The following SRSF10 variants were observed in gnomAD, a reference collection of about 807,000 sequenced individuals.
SRSF10 encodes serine and arginine rich splicing factor 10.
Under a neutral mutation model 32.6 loss-of-function variants are expected in SRSF10, and 9 were observed. The observed-to-expected ratio is 0.28, with a 90% CI of 0.17 to 0.48. The LOEUF is 0.48. Ranked by LOEUF, SRSF10 falls within the 20% of genes least tolerant of loss-of-function variation. SRSF10 has a pLI of 0.99. For synonymous variants in SRSF10, 105 were observed against 112.4 expected (o/e 0.93, Z 0.42); for missense variants, 201 against 331.8 (o/e 0.61, Z 3.06).
At chr1:23,977,376 G>A (rs1642155466) in intron 2 of SRSF10, 1 of 152,254 alleles carries the variant, frequency 6.6e-6, no homozygotes, top group Admixed American at 6.5e-5. Context: ...CTATACCAGG[G>A]AGAAGGCCTT....
Position 23,969,631 on chromosome 1 carries a change from T to C in SRSF10, c.*1511A>G. On this transcript the variant is annotated 3_prime_UTR_variant, in exon 6 of 6. Coordinates refer to ENST00000492112, the MANE Select transcript of SRSF10 (RefSeq NM_054016.4). ...ATCTGTAAGCAAGCAATCTGAGATT[T>C]TTAAAGATGCTAGCTTTTTATTCTG... 1 of 985,280 alleles carries C rather than the reference T, an allele frequency of 1.0e-6. No homozygotes were observed. The highest frequency in any genetic ancestry group is 1.2e-6 in the Non-Finnish European group (1 of 829,746). 61.0% of individuals were successfully genotyped at this position (985,280 alleles called of 1,614,324 possible). A position where few individuals can be genotyped will look rare whatever the true frequency, so the allele number is the denominator to read the frequency against.
Position 23,969,205 on chromosome 1 carries a change from A to G in SRSF10, c.*1937T>C. 2 of 984,758 alleles carry G rather than the reference A, an allele frequency of 2.0e-6. No individual in the cohort carries two copies. Among genetic ancestry groups the G allele is most frequent in the Non-Finnish European group, 2.4e-6 (2 of 828,916 alleles). 61.0% of individuals were successfully genotyped at this position (984,758 alleles called of 1,614,324 possible). A position where few individuals can be genotyped will look rare whatever the true frequency, so the allele number is the denominator to read the frequency against. ...TTGTACACAATATTTGTTAAAAAGA[A>G]CATATAAAAATACCTTTTTAGAAGC... On this transcript the variant is annotated 3_prime_UTR_variant, in exon 6 of 6. Coordinates refer to ENST00000492112, the MANE Select transcript of SRSF10 (RefSeq NM_054016.4).
In SRSF10 at chr1:23,968,698, T is replaced by C. The variant is rs1424364798; in HGVS notation, c.*2444A>G. On this transcript the variant is annotated 3_prime_UTR_variant, in exon 6 of 6. Transcript: ENST00000492112. ...CTCATCAACATTCAATTTAAAATGA[T>C]TTAAAATCATGTCATAAACGTTAAG... 6.6e-6 allele frequency among the ~76,000 whole-genome samples: 1 copy of C among 152,210 alleles called. No homozygotes were observed. The highest frequency in any genetic ancestry group is 1.5e-5 in the Non-Finnish European group (1 of 68,016).
rs1641735997 is a variant in SRSF10 at position 23,971,200 on chromosome 1, CTAGACT to C, written c.725_730del (p.Gln242_Ser243del). ...CCTTGATCTAGATTTTGACCTAGAC[CTAGACT>C]GTGATCTTGACTGAGATTTGGATCT... is the stretch of plus-strand genomic sequence containing the variant. On this transcript the variant is annotated inframe_deletion, in exon 6 of 6. Transcript: ENST00000492112. 6.2e-7 allele frequency: 1 copy of C among 1,613,990 alleles called. No individual in the cohort carries two copies. Among genetic ancestry groups the C allele is most frequent in the South Asian group, 1.1e-5 (1 of 91,076 alleles).
rs1454597713 is a variant in SRSF10 at position 23,967,757 on chromosome 1, T to G, written c.*3385A>C. 11 of 1,610,656 alleles carry G rather than the reference T, an allele frequency of 6.8e-6. No homozygotes were observed. The highest frequency in any genetic ancestry group is 3.3e-5 in the South Asian group (3 of 90,886). ...AAAGAAGGATGTTTGTCAGTTTGGTTTCCTTTATTCTTCTCTGTGGTATAC... is the reference window on the plus strand; with the variant it reads ...AAAGAAGGATGTTTGTCAGTTTGGTGTCCTTTATTCTTCTCTGTGGTATAC... On this transcript the variant is annotated 3_prime_UTR_variant, in exon 6 of 6. Transcript: ENST00000492112.
At chr1:23,972,914 AT>A (rs1257409474) in intron 3 of SRSF10, among the ~76,000 whole-genome samples, 2 of 151,950 alleles carry the variant, frequency 1.3e-5, no homozygotes, top group Non-Finnish European at 2.9e-5. Flanking sequence ...CTAGTTTCGT[AT>A]TTTTAGTGCA....
rs1187037360 is a variant in SRSF10 at position 23,967,106 on chromosome 1, G to C, written c.*4036C>G. ...GAGAAGAGATGGGCCCTCTTAGCTG[G>C]ATGTCAAATATAATTGGAATTTACC... is the stretch of plus-strand genomic sequence containing the variant. On this transcript the variant is annotated 3_prime_UTR_variant, in exon 6 of 6. Coordinates refer to ENST00000492112, the MANE Select transcript of SRSF10 (RefSeq NM_054016.4). The C allele has an allele frequency of 6.6e-6, 1 of 152,268 alleles. No individual in the cohort carries two copies. Among genetic ancestry groups the C allele is most frequent in the Non-Finnish European group, 1.5e-5 (1 of 68,104 alleles). 9.4% of individuals were successfully genotyped at this position (152,268 alleles called of 1,614,324 possible).
rs1468946729 is a variant in SRSF10, at chr1:23,964,536, T to C, written c.*6606A>G. Among the ~76,000 whole-genome samples the C allele has an allele frequency of 6.6e-6, 1 of 151,990 alleles. No individual in the cohort carries two copies. Among genetic ancestry groups the C allele is most frequent in the Non-Finnish European group, 1.5e-5 (1 of 67,888 alleles). On this transcript the variant is annotated 3_prime_UTR_variant, in exon 6 of 6. Transcript: ENST00000492112. ...AATTTGTCTTCTTTTCGATGGCAGT[T>C]ATACTATGATGGAATCCAGGTCCAA...
rs1003594157 is a variant in SRSF10 at position 23,965,183 on chromosome 1, T to C, written c.*5959A>G. The stretch of plus-strand genomic sequence containing the variant: ...TCCTATCTAAAATGAGAATAGTTCA[T>C]GCCTAGGATAGGCTAACTATAGGCT... On this transcript the variant is annotated 3_prime_UTR_variant, in exon 6 of 6. Coordinates refer to ENST00000492112, the MANE Select transcript of SRSF10 (RefSeq NM_054016.4). 6 of 152,022 alleles carry C rather than the reference T, an allele frequency of 3.9e-5. No individual in the cohort carries two copies. The highest frequency in any genetic ancestry group is 1.4e-4 in the African/African-American group (6 of 41,456). The allele number at this position is 152,022 out of a possible 1,614,324, so 9.4% of individuals were successfully genotyped here. A position where few individuals can be genotyped will look rare whatever the true frequency, so the allele number is the denominator to read the frequency against.
At chr1:23,979,064 T>TG (rs1337068629) in intron 1 of SRSF10, 1 of 224,830 alleles carries the variant, frequency 4.4e-6, no homozygotes, top group Non-Finnish European at 8.6e-6. Flanking sequence ...CTTGTTTTTT[T>TG]TTTTTTTTTT....
intron 3 of SRSF10, among the ~76,000 whole-genome samples, chr1:23,974,306 T>G (rs1641952359): frequency 6.6e-6 from 1 of 152,092 alleles, no homozygotes; most frequent in Non-Finnish European, 1.5e-5. Context: ...CAAGGTAACA[T>G]AATGGCTAAG....
Position 23,970,980 on chromosome 1 carries a change from TC to T in SRSF10, c.*161del. The T allele has an allele frequency of 7.0e-7, 1 of 1,422,354 alleles. No individual in the cohort carries two copies. The highest frequency in any genetic ancestry group is 9.1e-7 in the Non-Finnish European group (1 of 1,093,944). The allele number at this position is 1,422,354 out of a possible 1,614,324, so 88.1% of individuals were successfully genotyped here. A position where few individuals can be genotyped will look rare whatever the true frequency, so the allele number is the denominator to read the frequency against. ...ACAAACTGGACTCTTAAGAGTGGCT[TC>T]TCAACAGCATATCATTTTAATTATA... On this transcript the variant is annotated 3_prime_UTR_variant, in exon 6 of 6. Coordinates refer to ENST00000492112, the MANE Select transcript of SRSF10 (RefSeq NM_054016.4).
chr1:23,970,682 A>AT lies in SRSF10; in HGVS notation c.*459dup, dbSNP rs1641700923. The AT allele has an allele frequency of 1.0e-6, 1 of 987,520 alleles. No homozygotes were observed. The highest frequency in any genetic ancestry group is 1.1e-4 in the East Asian group (1 of 8,862). 61.2% of individuals were successfully genotyped at this position (987,520 alleles called of 1,614,324 possible). On this transcript the variant is annotated 3_prime_UTR_variant, in exon 6 of 6. Transcript: ENST00000492112. The stretch of plus-strand genomic sequence containing the variant: ...CCGGGCCTAGACATCTTGACAAGAC[A>AT]TAAAGGTCCACCCTGAACCTAAATG...
intron 3 of SRSF10, among the ~76,000 whole-genome samples, chr1:23,972,768 T>G (rs1248270534): frequency 4.4e-5 from 6 of 135,714 alleles, no homozygotes; most frequent in Admixed American, 3.8e-4. Context: ...TGAGACGGAG[T>G]TTTGCTCTTG....
At chr1:23,976,370 C>T (rs1217732198) in intron 2 of SRSF10, 1 of 152,092 alleles carries the variant, frequency 6.6e-6, no homozygotes, top group East Asian at 1.9e-4. Flanking sequence ...TCTGTCTTCC[C>T]GAGGCCATTA....
chr1:23,975,109 G>A, intron 2 of SRSF10, 32 bp from the exon 3 acceptor site: 1 of 1,569,146 alleles, frequency 6.4e-7, no homozygotes, highest in Non-Finnish European at 8.8e-7. Context: ...GGGAAGTTTT[G>A]CAAACTTTGA....
chr1:23,972,797 G>C (rs4397609), intron 3 of SRSF10, among the ~76,000 whole-genome samples: 1 of 150,692 alleles, frequency 6.6e-6, no homozygotes, highest in Non-Finnish European at 1.5e-5. Flanking sequence ...GCCGGAGTGC[G>C]ATGGCGCAAT....
Position 23,969,242 on chromosome 1 carries a change from AG to A in SRSF10, c.*1899del. The A allele has an allele frequency of 4.1e-6, 4 of 985,566 alleles. No individual in the cohort carries two copies. Among genetic ancestry groups the A allele is most frequent in the Non-Finnish European group, 4.8e-6 (4 of 829,608 alleles). 61.1% of individuals were successfully genotyped at this position (985,566 alleles called of 1,614,324 possible). On this transcript the variant is annotated 3_prime_UTR_variant, in exon 6 of 6. Coordinates refer to ENST00000492112, the MANE Select transcript of SRSF10 (RefSeq NM_054016.4). The stretch of plus-strand genomic sequence containing the variant: ...ACCTTTTTAGAAGCCTCTATAAGAA[AG>A]AAAATACAAAGTTTAACCCCACAAC...
chr1:23,966,545 T>C lies in SRSF10; in HGVS notation c.*4597A>G, dbSNP rs1412107432. 1.3e-5 allele frequency: 2 copies of C among 152,072 alleles called. No homozygotes were observed. Among genetic ancestry groups the C allele is most frequent in the African/African-American group, 4.8e-5 (2 of 41,446 alleles). 9.4% of individuals were successfully genotyped at this position (152,072 alleles called of 1,614,324 possible). A position where few individuals can be genotyped will look rare whatever the true frequency, so the allele number is the denominator to read the frequency against. On this transcript the variant is annotated 3_prime_UTR_variant, in exon 6 of 6. Coordinates refer to ENST00000492112, the MANE Select transcript of SRSF10 (RefSeq NM_054016.4). ...AAAAAGTATAATTTGGTGAACATTT[T>C]CTCAATTACAGAACATACTAAATCA...
Sources: allele counts gnomAD v4.1 joint callset (sites outside exome capture counted in the v4.1 genomes callset), GRCh38; gene constraint gnomAD v4.1.1; transcripts MANE v1.5; gene names NCBI Gene and HGNC (gene_info 2026-07-23, HGNC 2026-07-21).